GRID2: variants seen among roughly 807,000 people sequenced by gnomAD.
The protein encoded by GRID2 is glutamate ionotropic receptor delta type subunit 2.
In GRID2, 33 loss-of-function variants were observed where a neutral mutation model predicts 114.8. The ratio of observed to expected loss-of-function variants is 0.29; its 90% CI spans 0.22 to 0.38. The LOEUF (loss-of-function observed/expected upper bound fraction) is 0.38, where lower values mean the gene tolerates loss of function less well. Among genes scored for constraint, GRID2 ranks in the 10% least tolerant of loss-of-function variants. The pLI, the probability that GRID2 is intolerant of heterozygous loss-of-function variation, is 1.00. For missense variants in GRID2, 1,184 were observed against 1,257.7 expected, an observed-to-expected ratio of 0.94 and a Z score of 0.89; for synonymous variants, 505 against 449.9, an observed-to-expected ratio of 1.12 and a Z score of -1.55.
chr4:93,299,637 A>C (rs1252808950), intron 8 of GRID2, among the ~76,000 whole-genome samples: 1 of 151,940 alleles, frequency 6.6e-6, no homozygotes, highest in Non-Finnish European at 1.5e-5. Context: ...CCAACATGGC[A>C]CATGTATACA....
chr4:92,783,897 A>T (rs969749007), intron 2 of GRID2, among the ~76,000 whole-genome samples: 1 of 152,032 alleles, frequency 6.6e-6, no homozygotes, highest in African/African-American at 2.4e-5. Context: ...TAATTAAAAA[A>T]AAAGTCTATA....
intron 8 of GRID2, among the ~76,000 whole-genome samples, chr4:93,264,295 T>A (rs1385826055): frequency 6.6e-6 from 1 of 152,144 alleles, no homozygotes; most frequent in Non-Finnish European, 1.5e-5. Flanking sequence ...AGCAAAGGAA[T>A]GGTTTTGTCA....
intron 2 of GRID2, among the ~76,000 whole-genome samples, chr4:92,653,773 T>G (rs909712485): frequency 6.6e-6 from 1 of 152,114 alleles, no homozygotes; most frequent in Admixed American, 6.6e-5. Flanking sequence ...TAGCTTCCAT[T>G]CTTACAGTTC....
chr4:93,317,098 T>TAGG (rs2149201467), intron 8 of GRID2, among the ~76,000 whole-genome samples: 1 of 152,212 alleles, frequency 6.6e-6, no homozygotes, highest in East Asian at 1.9e-4. Flanking sequence ...TATTTTTTAA[T>TAGG]TACCGAATGT....
At chr4:92,721,056 A>G (rs563496512) in intron 2 of GRID2, among the ~76,000 whole-genome samples, 12 of 152,256 alleles carry the variant, frequency 7.9e-5, no homozygotes, top group Admixed American at 2.6e-4. Context: ...GTCAGTGACA[A>G]AAGGACAAAT....
rs375725430 is a variant in GRID2 at position 92,737,537 on chromosome 4, C to T, written c.244+147251C>T. On this transcript the variant is annotated intron_variant, in intron 2 of 15. Coordinates refer to ENST00000282020, the MANE Select transcript of GRID2 (RefSeq NM_001510.4). ...GTCATTTAGTTCTCCTTCATAAGTCCTTATTCAGCTATGGCTAAGCTACGT... is the reference window on the plus strand; with the variant it reads ...GTCATTTAGTTCTCCTTCATAAGTCTTTATTCAGCTATGGCTAAGCTACGT... Among the ~76,000 whole-genome samples the T allele has an allele frequency of 5.8e-4, 88 of 152,134 alleles. 2 individuals are homozygous for T. The South Asian group carries it at 0.017, about 29-fold the overall frequency.
intron 2 of GRID2, among the ~76,000 whole-genome samples, chr4:92,808,970 T>C (rs2149377546): frequency 6.6e-6 from 1 of 151,898 alleles, no homozygotes; most frequent in South Asian, 2.1e-4. Context: ...ACAAATCAAA[T>C]AGGGTATAAA....
At chr4:92,385,556 G>A (rs963974391) in intron 1 of GRID2, among the ~76,000 whole-genome samples, 1 of 151,370 alleles carries the variant, frequency 6.6e-6, no homozygotes, top group African/African-American at 2.4e-5. Flanking sequence ...CTTTAGAACA[G>A]GAATGGAATT....
intron 8 of GRID2, among the ~76,000 whole-genome samples, chr4:93,349,776 G>A (rs751965900): frequency 2.6e-5 from 4 of 151,762 alleles, no homozygotes; most frequent in South Asian, 2.1e-4. Flanking sequence ...ATTTAAAACC[G>A]AAAACAAATA....
chr4:92,536,598 G>C, intron 1 of GRID2, among the ~76,000 whole-genome samples: 1 of 152,204 alleles, frequency 6.6e-6, no homozygotes, highest in East Asian at 1.9e-4. Context: ...TTAATTTTTT[G>C]CTTACTTTTC....
chr4:93,381,013 T>C (rs1763801392), intron 8 of GRID2, among the ~76,000 whole-genome samples: 1 of 152,014 alleles, frequency 6.6e-6, no homozygotes, highest in Non-Finnish European at 1.5e-5. Context: ...TCTCTCCACA[T>C]AGCCTCTAAT....
chr4:93,005,802 A>G (rs533660944), intron 2 of GRID2, among the ~76,000 whole-genome samples: 18 of 152,132 alleles, frequency 1.2e-4, no homozygotes, highest in Non-Finnish European at 2.4e-4. Flanking sequence ...AAAAGGTTGC[A>G]CGTTGTACGT....
chr4:93,685,137 A>C (rs1221381525), intron 14 of GRID2, among the ~76,000 whole-genome samples: 1 of 152,048 alleles, frequency 6.6e-6, no homozygotes, highest in Non-Finnish European at 1.5e-5. Flanking sequence ...ACTCTGCCCA[A>C]ATAATCCAAT....
intron 8 of GRID2, among the ~76,000 whole-genome samples, chr4:93,321,605 A>G (rs879478494): frequency 5.3e-5 from 8 of 152,094 alleles, no homozygotes; most frequent in Non-Finnish European, 7.4e-5. Flanking sequence ...AAGATTGCCA[A>G]TAGTTGAAAC....
intron 4 of GRID2, among the ~76,000 whole-genome samples, chr4:93,144,788 G>A (rs1560924437): frequency 6.6e-6 from 1 of 152,164 alleles, no homozygotes; most frequent in Non-Finnish European, 1.5e-5. Context: ...GACTGAAATG[G>A]TGTACTTTCT....
intron 2 of GRID2, among the ~76,000 whole-genome samples, chr4:93,049,322 A>T (rs1040303842): frequency 2.0e-5 from 3 of 152,062 alleles, no homozygotes; most frequent in African/African-American, 7.2e-5. Context: ...AACATAATTA[A>T]ATATCAAATT....
At chr4:92,425,858 T>A (rs1732135866) in intron 1 of GRID2, among the ~76,000 whole-genome samples, 1 of 152,146 alleles carries the variant, frequency 6.6e-6, no homozygotes, top group African/African-American at 2.4e-5. Flanking sequence ...ATTAATATAT[T>A]TAAAGCATTG....
chr4:92,314,553 C>T lies in GRID2; in HGVS notation c.88+9809C>T, dbSNP rs72882125. ...GATACCTAATCCAGAAATCTAAAAT[C>T]CAAATGCCCCAACATTTGACACTTT... On this transcript the variant is annotated intron_variant, in intron 1 of 15. Coordinates refer to ENST00000282020, the MANE Select transcript of GRID2 (RefSeq NM_001510.4). Among the ~76,000 whole-genome samples, 1,339 of 152,094 alleles carry T rather than the reference C, an allele frequency of 8.8e-3. 23 individuals carry two copies. The highest frequency in any genetic ancestry group is 0.031 in the African/African-American group (1,274 of 41,468).
intron 2 of GRID2, among the ~76,000 whole-genome samples, chr4:92,623,764 G>T (rs1169161835): frequency 2.0e-5 from 3 of 151,700 alleles, no homozygotes; most frequent in Non-Finnish European, 4.4e-5. Context: ...TATGTGAAAG[G>T]CAGAACCATT....
Sources: gnomAD v4.1 joint callset for allele counts (sites outside exome capture counted in the v4.1 genomes callset) on GRCh38, gnomAD v4.1.1 for gene constraint, MANE v1.5 for transcripts, NCBI Gene and HGNC (gene_info 2026-07-23, HGNC 2026-07-21) for gene names.